Variants in ABCA9 observed in about 807,000 individuals in gnomAD.
The protein encoded by ABCA9 is ATP binding cassette subfamily A member 9, also known as ATP-binding cassette sub-family A member 9.
ABCA9 carries 183 observed loss-of-function variants against 205.3 expected under a neutral mutation model. The observed-to-expected ratio is 0.89, with a 90% CI of 0.79 to 1.01. The LOEUF (loss-of-function observed/expected upper bound fraction) is 1.01, where lower values mean the gene tolerates loss of function less well. ABCA9 is among the 50% of genes least tolerant of loss of function. ABCA9 has a pLI of 0.00. For missense variants in ABCA9, 1,805 were observed against 1,912.4 expected, an observed-to-expected ratio of 0.94 and a Z score of 1.05; for synonymous variants, 651 against 683.3, an observed-to-expected ratio of 0.95 and a Z score of 0.74.
rs754588915 is a variant in ABCA9 at position 68,975,981 on chromosome 17, C to A, written c.4809G>T (p.Leu1603=). 3.7e-6 allele frequency: 6 copies of A among 1,613,762 alleles called. No homozygotes were observed. In the South Asian group the frequency reaches 6.6e-5, roughly 18 times the overall value. Residue 1603 remains leucine (L), a synonymous_variant, in exon 39 of 39, where the codon CTG becomes CTT. Coordinates refer to ENST00000340001, the MANE Select transcript of ABCA9 (RefSeq NM_080283.4). ...VFLELSKEQE[L]GDLEEDFDPS... is the part of the protein sequence containing the mutation. ...GATCAAAGTCCTCTTCAAGATCACC[C>A]AGCTCCTGCTCCTTGGAGAGCTCCA...
chr17:68,984,924 G>A lies in ABCA9; in HGVS notation c.4340C>T (p.Pro1447Leu), dbSNP rs1007640417. The A allele has an allele frequency of 5.0e-6, 8 of 1,613,934 alleles. No homozygotes were observed. Among genetic ancestry groups the A allele is most frequent in the African/African-American group, 1.3e-5 (1 of 74,878 alleles). The change falls in exon 34 of 39, where the codon CCG becomes CTG. Residue 1447 changes from proline (P) to leucine (L), a missense_variant. Physicochemically the swap from Pro to Leu is moderately conservative, Grantham distance 98 (BLOSUM62 -3). Coordinates refer to ENST00000340001, the MANE Select transcript of ABCA9 (RefSeq NM_080283.4). ...CCCCTCGGGGTCCATCCCGGTCGAC[G>A]GCTCATCCAGAAGCACCACTGACGG... ...GNPSVVLLDEPSTGMDPEGQQ... is the reference protein window; with the variant it reads ...GNPSVVLLDELSTGMDPEGQQ...
intron 1 of ABCA9, among the ~76,000 whole-genome samples, chr17:69,055,313 G>C (rs1316710060): frequency 6.6e-6 from 1 of 151,904 alleles, no homozygotes; most frequent in Non-Finnish European, 1.5e-5. Flanking sequence ...AAATATAGAT[G>C]GACCATGCTA....
rs780275533 is a variant in ABCA9 at position 69,028,659 on chromosome 17, A to T, written c.1505-14T>A. ...CAAACACCACACCTGGCATGATTTT[A>T]AAAAAAATTACACTCAGAGCCTACA... On this transcript the variant is annotated splice_polypyrimidine_tract_variant and intron_variant, in intron 11 of 38. Transcript: ENST00000340001. The T allele has an allele frequency of 1.2e-5, 18 of 1,483,538 alleles. No homozygotes were observed. The highest frequency in any genetic ancestry group is 9.9e-5 in the African/African-American group (7 of 70,832). 91.9% of individuals were successfully genotyped at this position (1,483,538 alleles called of 1,614,324 possible).
intron 23 of ABCA9, among the ~76,000 whole-genome samples, chr17:69,009,388 G>A (rs1447677607): frequency 6.6e-6 from 1 of 152,018 alleles, no homozygotes; most frequent in Non-Finnish European, 1.5e-5. Flanking sequence ...AGAGAGAACA[G>A]CAGGAGAGAA....
At chr17:69,064,124 T>G (rs1024107224), upstream of ABCA9, among the ~76,000 whole-genome samples, 1 of 152,230 alleles carries the variant, frequency 6.6e-6, no homozygotes, top group African/African-American at 2.4e-5. Context: ...GGGATGTAAG[T>G]CCTTTGGTTA....
At chr17:69,043,756 T>G in intron 5 of ABCA9, 41 bp from the exon 6 acceptor site, 1 of 1,474,314 alleles carries the variant, frequency 6.8e-7, no homozygotes, top group Non-Finnish European at 9.2e-7. Flanking sequence ...ATCATCAATC[T>G]AATTCCAACC....
intron 21 of ABCA9, 118 bp downstream of exon 21, chr17:69,017,538 T>G: frequency 7.2e-6 from 8 of 1,104,112 alleles, no homozygotes; most frequent in Non-Finnish European, 1.0e-5. Context: ...TCTATAAAAA[T>G]GAGAACTATC....
chr17:69,006,931 G>A (rs1227488423), intron 25 of ABCA9, among the ~76,000 whole-genome samples: 2 of 152,294 alleles, frequency 1.3e-5, no homozygotes, highest in South Asian at 2.1e-4. Flanking sequence ...AGGTGACAGA[G>A]TATGAAAGCA....
At chr17:68,986,914 G>A (rs2069256408) in intron 31 of ABCA9, among the ~76,000 whole-genome samples, 1 of 152,152 alleles carries the variant, frequency 6.6e-6, no homozygotes, top group South Asian at 2.1e-4. Context: ...TCGAGGTTGA[G>A]AAATTCTGAA....
In ABCA9 at chr17:68,992,161, T is replaced by G. The variant is rs2069473221; in HGVS notation, c.3716+14A>C. 6.5e-7 allele frequency: 1 copy of G among 1,529,634 alleles called. No homozygotes were observed. Among genetic ancestry groups the G allele is most frequent in the Non-Finnish European group, 8.9e-7 (1 of 1,125,898 alleles). 94.8% of individuals were successfully genotyped at this position (1,529,634 alleles called of 1,614,324 possible). A position where few individuals can be genotyped will look rare whatever the true frequency, so the allele number is the denominator to read the frequency against. On this transcript the variant is annotated intron_variant, in intron 28 of 38. Transcript: ENST00000340001. ...ATCAAAATGAAACATGAAATTCGAT[T>G]TGATTTTCTCAACCTGAACACAGGA...
At chr17:69,030,723 C>G (rs1254216432) in intron 10 of ABCA9, among the ~76,000 whole-genome samples, 1 of 152,152 alleles carries the variant, frequency 6.6e-6, no homozygotes, top group Non-Finnish European at 1.5e-5. Flanking sequence ...TAGGTATCAG[C>G]TTGCTTTATT....
rs115131476 is a variant in ABCA9, at chr17:69,012,290, T to C, written c.3040-207A>G. 3.2e-5 allele frequency: 15 copies of C among 462,816 alleles called. No homozygotes were observed. In the East Asian group the frequency reaches 3.4e-4, roughly 10 times the overall value. 28.7% of individuals were successfully genotyped at this position (462,816 alleles called of 1,614,324 possible). On this transcript the variant is annotated intron_variant, in intron 22 of 38. Coordinates refer to ENST00000340001, the MANE Select transcript of ABCA9 (RefSeq NM_080283.4). The stretch of plus-strand genomic sequence containing the variant: ...CTGAACACGTAGCCTGATTTACTTA[T>C]GAAGAAGCAAATTCAACCAAGTGAT...
intron 1 of ABCA9, among the ~76,000 whole-genome samples, chr17:69,060,010 G>T (rs537361031): frequency 6.6e-6 from 1 of 151,984 alleles, no homozygotes. Context: ...GTTAAATATT[G>T]TGCCCACGTG....
At position 69,016,293 on chromosome 17, in the gene ABCA9, G is replaced by GAATT. The variant is rs752973237; in HGVS notation, c.2995_2998dup (p.Ser1000Ter). 37 of 1,598,708 alleles carry GAATT rather than the reference G, an allele frequency of 2.3e-5. No individual in the cohort carries two copies. Among genetic ancestry groups the GAATT allele is most frequent in the Non-Finnish European group, 3.0e-5 (35 of 1,174,368 alleles). ...TCTGTCAGTCTGAATGTGTTCTGAC[G>GAATT]AATTAAAAATTCCAAGTAGTCCATT... On this transcript the variant is annotated stop_gained and frameshift_variant, in exon 22 of 39. Coordinates refer to ENST00000340001, the MANE Select transcript of ABCA9 (RefSeq NM_080283.4). LOFTEE classifies it high-confidence loss of function.
At chr17:68,992,612 G>T in intron 27 of ABCA9, 1 of 213,330 alleles carries the variant, frequency 4.7e-6, no homozygotes, top group East Asian at 1.2e-4. Flanking sequence ...TCGGAAGTTC[G>T]AGACCATCCT....
In ABCA9 at chr17:68,987,585, A is replaced by G. The variant is rs564180704; in HGVS notation, c.4048-1261T>C. On this transcript the variant is annotated intron_variant, in intron 31 of 38. Transcript: ENST00000340001. ...CTCTAGCCACAGGAAGATCAAACCC[A>G]AAGATCCCACAGCGAGAAGGTGCCT... is the stretch of plus-strand genomic sequence containing the variant. 1.1e-4 allele frequency among the ~76,000 whole-genome samples: 17 copies of G among 152,284 alleles called. 1 individual carries two copies. Among genetic ancestry groups the G allele is most frequent in the Admixed American group, 9.8e-4 (15 of 15,290 alleles).
At chr17:69,043,875 G>A (rs1308563931) in intron 5 of ABCA9, among the ~76,000 whole-genome samples, 160 bp from the exon 6 acceptor site, 1 of 152,104 alleles carries the variant, frequency 6.6e-6, no homozygotes, top group African/African-American at 2.4e-5. Context: ...GAACACTTTA[G>A]GTTTTGTCGT....
intron 15 of ABCA9, 36 bp downstream of exon 15, chr17:69,026,940 C>A (rs779095006): frequency 6.2e-7 from 1 of 1,609,768 alleles, no homozygotes; most frequent in Admixed American, 1.7e-5. Context: ...TGTCTCTAAC[C>A]TCTCATGAAG....
At chr17:69,008,716 C>T (rs149567357) in intron 23 of ABCA9, among the ~76,000 whole-genome samples, 4 of 152,290 alleles carry the variant, frequency 2.6e-5, no homozygotes, top group African/African-American at 7.2e-5. Flanking sequence ...AGGTTGGAAT[C>T]GGCAAGACTG....
Sources: allele counts gnomAD v4.1 joint callset (sites outside exome capture counted in the v4.1 genomes callset), GRCh38; gene constraint gnomAD v4.1.1; transcripts MANE v1.5; gene names NCBI Gene and HGNC (gene_info 2026-07-23, HGNC 2026-07-21).